The following DNAJA1 variants were observed in gnomAD, a reference collection of about 807,000 sequenced individuals.
DNAJA1 encodes dnaJ homolog subfamily A member 1.
DNAJA1 carries 26 observed loss-of-function variants against 47.6 expected under a neutral mutation model. The observed-to-expected ratio is 0.55, with a 90% CI of 0.40 to 0.76. DNAJA1 has a LOEUF of 0.76. DNAJA1 is among the 30% of genes least tolerant of loss of function. DNAJA1 has a pLI of 0.00. For missense variants in DNAJA1, 315 were observed against 485.0 expected, an observed-to-expected ratio of 0.65 and a Z score of 3.29; for synonymous variants, 165 against 158.4, an observed-to-expected ratio of 1.04 and a Z score of -0.31.
chr9:33,030,296 T>C (rs1200887468), intron 4 of DNAJA1, 144 bp from the exon 5 acceptor site: 1 of 740,074 alleles, frequency 1.4e-6, no homozygotes, highest in Non-Finnish European at 2.2e-6. Context: ...TGGAATGATC[T>C]CATCAGTTGT....
At chr9:33,034,550 T>C (rs1839006844) in intron 6 of DNAJA1, among the ~76,000 whole-genome samples, 1 of 152,218 alleles carries the variant, frequency 6.6e-6, no homozygotes, top group African/African-American at 2.4e-5. Context: ...GTGTTTCAAT[T>C]AGATGTTTTG....
At position 33,034,218 on chromosome 9, in the gene DNAJA1, A is replaced by G; in HGVS notation, c.646A>G (p.Met216Val). The change falls in exon 6 of 9, where the codon ATG becomes GTG. Residue 216 changes from methionine to valine, a missense_variant and splice_region_variant. Transcript: ENST00000330899. Reference sequence around the variant, plus strand: ...CAAAATTAATGTTTTGTTTTTAGGCATGAAAGATGGCCAGAAGATAACATT... The same window carrying G: ...CAAAATTAATGTTTTGTTTTTAGGCGTGAAAGATGGCCAGAAGATAACATT... ...KILEVHIDKG[M>V]KDGQKITFHG... 1.3e-6 allele frequency: 2 copies of G among 1,582,178 alleles called. No individual in the cohort carries two copies. Among genetic ancestry groups the G allele is most frequent in the South Asian group, 2.4e-5 (2 of 84,726 alleles).
At chr9:33,035,492 G>A (rs540638530) in intron 6 of DNAJA1, among the ~76,000 whole-genome samples, 1 of 151,742 alleles carries the variant, frequency 6.6e-6, no homozygotes, top group Admixed American at 6.6e-5. Context: ...TTTTTGAGAT[G>A]CAGTTTCGCT....
In DNAJA1 at chr9:33,027,807, G is replaced by A. The variant is rs145019114; in HGVS notation, c.310+817G>A. On this transcript the variant is annotated intron_variant, in intron 3 of 8. Coordinates refer to ENST00000330899, the MANE Select transcript of DNAJA1 (RefSeq NM_001539.4). ...AGAGGTTGCAGCGAACGGAGGTCAC[G>A]CCACTGCACTCCAGCCTGGGCAACA... Among the ~76,000 whole-genome samples, 731 of 151,772 alleles carry A rather than the reference G, an allele frequency of 4.8e-3. 5 individuals carry two copies. Among genetic ancestry groups the A allele is most frequent in the East Asian group, 8.0e-3 (41 of 5,110 alleles).
chr9:33,028,149 C>T (rs1186712917), intron 3 of DNAJA1, among the ~76,000 whole-genome samples: 3 of 151,782 alleles, frequency 2.0e-5, no homozygotes, highest in African/African-American at 7.3e-5. Flanking sequence ...GTACAGTGGC[C>T]TTTTTCAAAT....
chr9:33,036,265 G>GTTT (rs57543856), intron 6 of DNAJA1: 5 of 159,236 alleles, frequency 3.1e-5, no homozygotes, highest in South Asian at 1.5e-4. Context: ...CTTGTGAGTT[G>GTTT]TTTTTTTTTT....
intron 6 of DNAJA1, among the ~76,000 whole-genome samples, chr9:33,035,626 C>T (rs1329461056): frequency 1.3e-5 from 2 of 151,558 alleles, no homozygotes; most frequent in Non-Finnish European, 2.9e-5. Context: ...CCCACCACCA[C>T]GCCCAGCTGA....
At chr9:33,029,374 G>A (rs1161830036) in intron 3 of DNAJA1, among the ~76,000 whole-genome samples, 1 of 152,236 alleles carries the variant, frequency 6.6e-6, no homozygotes, top group Non-Finnish European at 1.5e-5. Flanking sequence ...TCAGGAAGAA[G>A]TAGAAATTGA....
intron 3 of DNAJA1, among the ~76,000 whole-genome samples, chr9:33,028,025 C>CAAAAAAAAAAAAAAAAAAAAAAAA (rs144327341): frequency 1.3e-5 from 1 of 77,918 alleles, no homozygotes; most frequent in East Asian, 5.1e-4. Flanking sequence ...ACTCTTGTCT[C>CAAAAAAAAAAAAAAAAAAAAAAAA]AAAAAAAAAA....
chr9:33,039,031 A>C lies in DNAJA1; in HGVS notation c.*128A>C. On this transcript the variant is annotated 3_prime_UTR_variant, in exon 9 of 9. Transcript: ENST00000330899. Reference sequence around the variant, plus strand: ...TAATAAACTATAGTAGTGTTTTAAAAAGTTAAATGAAGAATAAACGCAAAT... The same window carrying C: ...TAATAAACTATAGTAGTGTTTTAAACAGTTAAATGAAGAATAAACGCAAAT... 1.1e-6 allele frequency: 1 copy of C among 890,374 alleles called. No homozygotes were observed. Among genetic ancestry groups the C allele is most frequent in the Non-Finnish European group, 1.7e-6 (1 of 595,828 alleles). The allele number at this position is 890,374 out of a possible 1,614,324, so 55.2% of individuals were successfully genotyped here.
intron 4 of DNAJA1, 107 bp downstream of exon 4, chr9:33,030,096 A>G: frequency 9.3e-7 from 1 of 1,074,434 alleles, no homozygotes; most frequent in Non-Finnish European, 1.3e-6. Context: ...TGATTCATGT[A>G]CACTACCTAG....
At chr9:33,036,724 C>A in intron 7 of DNAJA1, 35 bp downstream of exon 7, 1 of 1,469,738 alleles carries the variant, frequency 6.8e-7, no homozygotes, top group Non-Finnish European at 9.5e-7. Context: ...CTTCTCTTTT[C>A]TATTCTAGTA....
At position 33,037,063 on chromosome 9, in the gene DNAJA1, T is replaced by C. The variant is rs1056573899; in HGVS notation, c.923T>C (p.Met308Thr). 16 of 1,613,970 alleles carry C rather than the reference T, an allele frequency of 9.9e-6. No individual in the cohort carries two copies. The highest frequency in any genetic ancestry group is 1.3e-5 in the Non-Finnish European group (15 of 1,180,012). ...GDIKCVLNEG[M>T]PIYRRPYEKG... ...ATCAAGTGTGTACTAAATGAAGGCATGCCAATTTATCGTAGACCATATGAA... is the reference window on the plus strand; with the variant it reads ...ATCAAGTGTGTACTAAATGAAGGCACGCCAATTTATCGTAGACCATATGAA... The change falls in exon 8 of 9, where the codon ATG becomes ACG. Residue 308 changes from methionine (M) to threonine (T), a missense_variant. By Grantham distance (81) the Met-to-Thr change is moderately conservative (BLOSUM62 -1). Coordinates refer to ENST00000330899, the MANE Select transcript of DNAJA1 (RefSeq NM_001539.4).
chr9:33,037,321 A>AC lies in DNAJA1; in HGVS notation c.975+206_975+207insC, dbSNP rs573041318. 1.1e-3 allele frequency: 391 copies of AC among 340,692 alleles called. 4 individuals are homozygous for AC. In the South Asian group the frequency reaches 0.013, roughly 11 times the overall value. 21.1% of individuals were successfully genotyped at this position (340,692 alleles called of 1,614,324 possible). A position where few individuals can be genotyped will look rare whatever the true frequency, so the allele number is the denominator to read the frequency against. ...AACCCTGTCTCTTTAAAAAAACAAA[A>AC]AAAAAAAAAAATTAAAATTTCTGAA... On this transcript the variant is annotated intron_variant, in intron 8 of 8. Transcript: ENST00000330899.
In DNAJA1 at chr9:33,036,563, A is replaced by T. The variant is rs1839037483; in HGVS notation, c.759-11A>T. ...TTTGAAAAATATAAATATGTGTCAT[A>T]TTTTATGCAGACGAGGAGAAGACCT... is the stretch of plus-strand genomic sequence containing the variant. On this transcript the variant is annotated splice_polypyrimidine_tract_variant and intron_variant, in intron 6 of 8. Transcript: ENST00000330899. The T allele has an allele frequency of 6.4e-7, 1 of 1,573,062 alleles. No individual in the cohort carries two copies. Among genetic ancestry groups the T allele is most frequent in the East Asian group, 2.2e-5 (1 of 44,508 alleles).
At chr9:33,034,387 G>T (rs755253975) in intron 6 of DNAJA1, 57 bp downstream of exon 6, 61 of 1,393,866 alleles carry the variant, frequency 4.4e-5, no homozygotes, top group Non-Finnish European at 5.8e-5. Context: ...TGTTGGTTTT[G>T]TTTTTTGTTT....
chr9:33,034,470 G>A (rs1489011907), intron 6 of DNAJA1, 140 bp downstream of exon 6: 1 of 647,292 alleles, frequency 1.5e-6, no homozygotes, highest in Non-Finnish European at 2.6e-6. Context: ...CCATTGTTCA[G>A]ATCATAAGAG....
chr9:33,030,735 T>C, intron 5 of DNAJA1, 68 bp downstream of exon 5: 1 of 1,335,376 alleles, frequency 7.5e-7, no homozygotes, highest in Non-Finnish European at 1.0e-6. Context: ...CATTTTATAA[T>C]TGTTTAAAAA....
chr9:33,026,726 C>T, intron 2 of DNAJA1, 87 bp from the exon 3 acceptor site: 8 of 1,569,584 alleles, frequency 5.1e-6, no homozygotes, highest in East Asian at 2.2e-5. Context: ...GATCACTTCT[C>T]GGCCTTTTTA....
Sources: allele counts gnomAD v4.1 joint callset (sites outside exome capture counted in the v4.1 genomes callset), GRCh38; gene constraint gnomAD v4.1.1; transcripts MANE v1.5; gene names NCBI Gene and HGNC (gene_info 2026-07-23, HGNC 2026-07-21).